The following DSC2 variants were observed in gnomAD, a reference collection of about 807,000 sequenced individuals.
DSC2 encodes desmocollin 2.
DSC2 carries 51 observed loss-of-function variants against 87.6 expected under a neutral mutation model. The ratio of observed to expected loss-of-function variants is 0.58; its 90% CI spans 0.46 to 0.74. DSC2 has a LOEUF of 0.74. DSC2 is among the 30% of genes least tolerant of loss of function. The probability of loss-of-function intolerance (pLI) is 0.00; values close to 1 mark genes in which losing one functional copy is unlikely to be tolerated. For missense variants in DSC2, 1,066 were observed against 1,089.5 expected, an observed-to-expected ratio of 0.98 and a Z score of 0.30; for synonymous variants, 383 against 393.2, an observed-to-expected ratio of 0.97 and a Z score of 0.31.
Position 31,063,734 on chromosome 18 carries a change from A to G in DSC2, c.*4281T>C, listed in dbSNP as rs1986548958. On this transcript the variant is annotated 3_prime_UTR_variant, in exon 16 of 16. Transcript: ENST00000280904. Reference sequence around the variant, plus strand: ...AGCATTCTCCTACACTTATGAGACTACATCCCAATAAGCTTATTTTAAGTT... The same window carrying G: ...AGCATTCTCCTACACTTATGAGACTGCATCCCAATAAGCTTATTTTAAGTT... The G allele has an allele frequency of 6.6e-6, 1 of 152,204 alleles. No homozygotes were observed. 9.4% of individuals were successfully genotyped at this position (152,204 alleles called of 1,614,324 possible).
Position 31,102,198 on chromosome 18 carries a change from A to G in DSC2, c.-227T>C, listed in dbSNP as rs1987991516. 4.4e-6 allele frequency: 2 copies of G among 450,960 alleles called. No individual in the cohort carries two copies. The highest frequency in any genetic ancestry group is 4.7e-5 in the South Asian group (1 of 21,248). 27.9% of individuals were successfully genotyped at this position (450,960 alleles called of 1,614,324 possible). ...GAGGGAGGGGCTCCAGACGCGTCCA[A>G]AAGACACCGATCGGCCCCTCCTTGT... is the stretch of plus-strand genomic sequence containing the variant. On this transcript the variant is annotated 5_prime_UTR_variant, in exon 1 of 16. Coordinates refer to ENST00000280904, the MANE Select transcript of DSC2 (RefSeq NM_024422.6).
At chr18:31,101,869 C>T in intron 1 of DSC2, 34 bp downstream of exon 1, 1 of 1,526,690 alleles carries the variant, frequency 6.6e-7, no homozygotes, top group Admixed American at 2.0e-5. Flanking sequence ...GCGATCGCCC[C>T]CTTCCCCGGA....
At chr18:31,089,335 G>T in intron 5 of DSC2, 104 bp downstream of exon 5, 2 of 1,317,360 alleles carry the variant, frequency 1.5e-6, no homozygotes, top group Non-Finnish European at 2.2e-6. Context: ...CCAGAGCATT[G>T]GTGACAAACT....
rs201517977 is a variant in DSC2 at position 31,074,864 on chromosome 18, G to A, written c.1707C>T (p.Asp569=). 29 of 1,613,784 alleles carry A rather than the reference G, an allele frequency of 1.8e-5. No individual in the cohort carries two copies. Among genetic ancestry groups the A allele is most frequent in the East Asian group, 4.5e-5 (2 of 44,826 alleles). The change falls in exon 12 of 16, where the codon GAC becomes GAT. Residue 569 remains aspartate, a synonymous_variant. Coordinates refer to ENST00000280904, the MANE Select transcript of DSC2 (RefSeq NM_024422.6). ...CTGTLGIILQ[D]VNDNSPFIPK... Reference sequence around the variant, plus strand: ...GTATGAATGGGCTGTTATCATTCACGTCTTGAAGTATAATGCCCAGTGTCC... The same window carrying A: ...GTATGAATGGGCTGTTATCATTCACATCTTGAAGTATAATGCCCAGTGTCC...
chr18:31,072,739 C>G (rs867176154), intron 12 of DSC2, among the ~76,000 whole-genome samples: 1 of 152,296 alleles, frequency 6.6e-6, no homozygotes, highest in African/African-American at 2.4e-5. Context: ...ATCCCTCTCC[C>G]ACATAGCTGC....
chr18:31,087,934 T>C lies in DSC2; in HGVS notation c.631-121A>G, dbSNP rs896148672. 1.9e-5 allele frequency: 20 copies of C among 1,026,010 alleles called. No individual in the cohort carries two copies. The African/African-American group carries it at 2.9e-4, about 15-fold the overall frequency. The allele number at this position is 1,026,010 out of a possible 1,614,324, so 63.6% of individuals were successfully genotyped here. A position where few individuals can be genotyped will look rare whatever the true frequency, so the allele number is the denominator to read the frequency against. ...GAACTACAGTATGAGTCTCACCATT[T>C]GTTATTGTTCTGGGATATGGATATA... On this transcript the variant is annotated intron_variant, in intron 5 of 15. Transcript: ENST00000280904.
In DSC2 at chr18:31,080,003, T is replaced by C. The variant is rs1287632202; in HGVS notation, c.1521-14A>G. 6 of 1,612,168 alleles carry C rather than the reference T, an allele frequency of 3.7e-6. No homozygotes were observed. Among genetic ancestry groups the C allele is most frequent in the South Asian group, 2.2e-5 (2 of 90,686 alleles). On this transcript the variant is annotated splice_polypyrimidine_tract_variant and intron_variant, in intron 10 of 15. Transcript: ENST00000280904. ...AATTTCTTATACCTGTTGGTAATGA[T>C]GAATTAAAATAATAAAATTTATCAT...
intron 14 of DSC2, 64 bp from the exon 15 acceptor site, chr18:31,069,215 C>T: frequency 6.2e-7 from 1 of 1,600,538 alleles, no homozygotes; most frequent in East Asian, 2.2e-5. Flanking sequence ...TGAAAAAGAA[C>T]AACATCAAGC....
In DSC2 at chr18:31,075,459, A is replaced by C. The variant is rs867772404; in HGVS notation, c.1664-552T>G. Among the ~76,000 whole-genome samples, 9 of 152,362 alleles carry C rather than the reference A, an allele frequency of 5.9e-5. No individual in the cohort carries two copies. The South Asian group carries it at 6.2e-4, about 11-fold the overall frequency. On this transcript the variant is annotated intron_variant, in intron 11 of 15. Coordinates refer to ENST00000280904, the MANE Select transcript of DSC2 (RefSeq NM_024422.6). ...AAAAATAGTACATGGGAATATTCAAAGGGCAGAAGACTCCAGGAGTAGAAA... is the reference window on the plus strand; with the variant it reads ...AAAAATAGTACATGGGAATATTCAACGGGCAGAAGACTCCAGGAGTAGAAA...
At chr18:31,072,561 A>G (rs1200368393) in intron 12 of DSC2, among the ~76,000 whole-genome samples, 1 of 152,242 alleles carries the variant, frequency 6.6e-6, no homozygotes, top group East Asian at 1.9e-4. Context: ...TGTGAGACAC[A>G]CGTCTCTCAA....
rs1428685920 is a variant in DSC2, at chr18:31,082,417, T to C, written c.1084A>G (p.Thr362Ala). The change falls in exon 9 of 16, where the codon ACA becomes GCA. Residue 362 changes from threonine to alanine, a missense_variant. Physicochemically the swap from Thr to Ala is moderately conservative, Grantham distance 58 (BLOSUM62 0). Transcript: ENST00000280904. The part of the protein sequence containing the change: ...LPTFTRTSYV[T>A]SVEENTVDVE... The stretch of plus-strand genomic sequence containing the variant: ...TCAACTGTATTTTCTTCCACTGATG[T>C]CACATACTAAAATAATAAAAGCAAA... The C allele has an allele frequency of 1.2e-6, 2 of 1,613,138 alleles. No homozygotes were observed. The highest frequency in any genetic ancestry group is 8.5e-7 in the Non-Finnish European group (1 of 1,179,890).
At chr18:31,082,185 C>T (rs1422065800) in intron 9 of DSC2, 53 bp downstream of exon 9, 1 of 1,512,642 alleles carries the variant, frequency 6.6e-7, no homozygotes, top group Non-Finnish European at 9.1e-7. Context: ...TAAATTCTAG[C>T]ATGCTATTCT....
intron 11 of DSC2, among the ~76,000 whole-genome samples, chr18:31,077,510 T>A (rs1025112186): frequency 6.6e-6 from 1 of 152,262 alleles, no homozygotes; most frequent in African/African-American, 2.4e-5. Context: ...ATGTTTACAG[T>A]TGCTCACTGA....
Position 31,063,813 on chromosome 18 carries a change from C to T in DSC2, c.*4202G>A, listed in dbSNP as rs1032738255. The stretch of plus-strand genomic sequence containing the variant: ...TTGATTTGTAATATTTTCAATTTAC[C>T]ATGGGTTTATCAGGATGTAACCCCA... On this transcript the variant is annotated 3_prime_UTR_variant, in exon 16 of 16. Transcript: ENST00000280904. 1 of 151,890 alleles carries T rather than the reference C, an allele frequency of 6.6e-6. No homozygotes were observed. The highest frequency in any genetic ancestry group is 1.5e-5 in the Non-Finnish European group (1 of 67,976). 9.4% of individuals were successfully genotyped at this position (151,890 alleles called of 1,614,324 possible).
intron 7 of DSC2, among the ~76,000 whole-genome samples, chr18:31,086,086 T>G (rs1168681653): frequency 6.6e-6 from 1 of 152,054 alleles, no homozygotes; most frequent in Non-Finnish European, 1.5e-5. Context: ...AAACATAGAA[T>G]GGAAAATATG....
Position 31,062,999 on chromosome 18 carries a change from T to C in DSC2, c.*5016A>G, listed in dbSNP as rs979542541. The C allele has an allele frequency of 3.9e-5, 6 of 152,178 alleles. No homozygotes were observed. The highest frequency in any genetic ancestry group is 1.4e-4 in the African/African-American group (6 of 41,446). The allele number at this position is 152,178 out of a possible 1,614,324, so 9.4% of individuals were successfully genotyped here. A position where few individuals can be genotyped will look rare whatever the true frequency, so the allele number is the denominator to read the frequency against. ...TAAAAAACCTAACTTTTATTATTTC[T>C]CTTTTTTCCTTTATGACCTGGGCAA... On this transcript the variant is annotated 3_prime_UTR_variant, in exon 16 of 16. Transcript: ENST00000280904.
At chr18:31,089,393 C>T in intron 5 of DSC2, 46 bp downstream of exon 5, 1 of 1,609,550 alleles carries the variant, frequency 6.2e-7, no homozygotes, top group Non-Finnish European at 8.5e-7. Flanking sequence ...GACAAAATGG[C>T]CAAGCATCAT....
chr18:31,086,560 T>C lies in DSC2; in HGVS notation c.942+16A>G, dbSNP rs111347888. On this transcript the variant is annotated intron_variant, in intron 7 of 15. Coordinates refer to ENST00000280904, the MANE Select transcript of DSC2 (RefSeq NM_024422.6). The stretch of plus-strand genomic sequence containing the variant: ...ATAGCCACGTTATAATCAGGTTTTA[T>C]TAATGTTTATGTTACCTCTCTGTCT... The C allele has an allele frequency of 6.2e-7, 1 of 1,613,952 alleles. No individual in the cohort carries two copies. Among genetic ancestry groups the C allele is most frequent in the Non-Finnish European group, 8.5e-7 (1 of 1,179,920 alleles).
chr18:31,094,761 T>C (rs1987710916), intron 1 of DSC2, among the ~76,000 whole-genome samples: 1 of 152,236 alleles, frequency 6.6e-6, no homozygotes, highest in African/African-American at 2.4e-5. Context: ...AGGTTGTGTT[T>C]CATTTGGAAT....
Sources: allele counts gnomAD v4.1 joint callset (sites outside exome capture counted in the v4.1 genomes callset), GRCh38; gene constraint gnomAD v4.1.1; transcripts MANE v1.5; gene names NCBI Gene and HGNC (gene_info 2026-07-23, HGNC 2026-07-21).